Variants in VAV2 observed in about 807,000 individuals in gnomAD.
VAV2 encodes guanine nucleotide exchange factor VAV2.
A neutral mutation model predicts 132.5 loss-of-function variants in VAV2; 67 were observed. The observed-to-expected ratio is 0.51, with a 90% confidence interval of 0.42 to 0.62. The LOEUF (loss-of-function observed/expected upper bound fraction) is 0.62, where lower values mean the gene tolerates loss of function less well. VAV2 is among the 20% of genes least tolerant of loss of function. VAV2 has a pLI of 0.00. For synonymous variants in VAV2, 492 were observed against 443.5 expected, an observed-to-expected ratio of 1.11 and a Z score of -1.37; for missense variants, 938 against 1,153.6, an observed-to-expected ratio of 0.81 and a Z score of 2.71.
In VAV2 at chr9:133,823,779, C is replaced by T. The variant is rs1158806068; in HGVS notation, c.449+10493G>A. ...TGCATTAAATGAGACCAGAGAGTTG[C>T]TGTGACCGAATCAGTCCTGAAAGCA... On this transcript the variant is annotated intron_variant, in intron 4 of 29. Transcript: ENST00000371850. The surrounding 1 kb of genome is among the most constrained non-coding windows in gnomAD (Gnocchi z 5.5). Among the ~76,000 whole-genome samples the T allele has an allele frequency of 6.6e-6, 1 of 152,216 alleles. No homozygotes were observed. Among genetic ancestry groups the T allele is most frequent in the African/African-American group, 2.4e-5 (1 of 41,456 alleles).
In VAV2 at chr9:133,948,937, C is replaced by T. The variant is rs75766287; in HGVS notation, c.205-9718G>A. On this transcript the variant is annotated intron_variant, in intron 1 of 29. Transcript: ENST00000371850. ...TGGTCCTGTCCCCATGGGAGCCCCA[C>T]GGCATAGGCAAGAGGCAGCCTAATC... 1.7e-3 allele frequency among the ~76,000 whole-genome samples: 252 copies of T among 152,304 alleles called. 1 individual carries two copies. The highest frequency in any genetic ancestry group is 5.7e-3 in the African/African-American group (237 of 41,570).
chr9:133,870,220 C>T (rs1451250507), intron 2 of VAV2, among the ~76,000 whole-genome samples: 1 of 152,116 alleles, frequency 6.6e-6, no homozygotes, highest in Non-Finnish European at 1.5e-5. Context: ...GGCTGTGGGG[C>T]CCAACATCAA....
intron 12 of VAV2, among the ~76,000 whole-genome samples, chr9:133,793,384 C>T (rs1834577473): frequency 1.3e-5 from 2 of 152,156 alleles, no homozygotes; most frequent in Admixed American, 1.3e-4. Flanking sequence ...TTCCTCGTTC[C>T]TAGAAGACCT....
rs775647388 is a variant in VAV2 at position 133,824,801 on chromosome 9, C to A, written c.449+9471G>T. On this transcript the variant is annotated intron_variant, in intron 4 of 29. Coordinates refer to ENST00000371850, the MANE Select transcript of VAV2 (RefSeq NM_001134398.2). This position sits in a 1 kb window ranked among gnomAD's most constrained non-coding sequence, Gnocchi z 5.2. ...GAGCTGGGCTCAAATTGCAGCTCTG[C>A]CCCCTAGTTCTGTACGACTCTGACC... Among the ~76,000 whole-genome samples the A allele has an allele frequency of 6.6e-6, 1 of 152,192 alleles. No individual in the cohort carries two copies. Among genetic ancestry groups the A allele is most frequent in the African/African-American group, 2.4e-5 (1 of 41,456 alleles).
chr9:133,932,028 T>C (rs1445187232), intron 2 of VAV2, among the ~76,000 whole-genome samples: 1 of 151,802 alleles, frequency 6.6e-6, no homozygotes, highest in Non-Finnish European at 1.5e-5. Flanking sequence ...GAGATCAGAG[T>C]CCCTACGGTC....
At chr9:133,948,458 A>G (rs1841444745) in intron 1 of VAV2, among the ~76,000 whole-genome samples, 1 of 152,252 alleles carries the variant, frequency 6.6e-6, no homozygotes, top group Non-Finnish European at 1.5e-5. Flanking sequence ...TTCGGGGGCC[A>G]GCCTTGCCCC....
intron 3 of VAV2, among the ~76,000 whole-genome samples, chr9:133,845,622 T>C (rs1053394944): frequency 6.6e-6 from 1 of 152,188 alleles, no homozygotes; most frequent in African/African-American, 2.4e-5. Context: ...GTCTCCCTAG[T>C]GTGACGGGGC....
chr9:133,957,897 C>A (rs1200489787), intron 1 of VAV2, among the ~76,000 whole-genome samples: 1 of 151,378 alleles, frequency 6.6e-6, no homozygotes, highest in Non-Finnish European at 1.5e-5. Context: ...GATTCTGTGA[C>A]CTTACCCCCA....
At chr9:133,981,601 C>A (rs1026520669) in intron 1 of VAV2, among the ~76,000 whole-genome samples, 1 of 152,228 alleles carries the variant, frequency 6.6e-6, no homozygotes, top group Non-Finnish European at 1.5e-5. Flanking sequence ...GGGCGCCAGA[C>A]ACACACTTTT....
chr9:133,782,769 C>T (rs1834056153), intron 19 of VAV2, among the ~76,000 whole-genome samples: 2 of 152,336 alleles, frequency 1.3e-5, no homozygotes, highest in South Asian at 4.1e-4. Flanking sequence ...CTGAAAGTTT[C>T]AAGCCTCAGT....
chr9:133,887,068 T>C (rs1838741256), intron 2 of VAV2, among the ~76,000 whole-genome samples: 1 of 149,982 alleles, frequency 6.7e-6, no homozygotes, highest in Non-Finnish European at 1.5e-5. Flanking sequence ...AGGGGTTCCC[T>C]GGGGCTCAGC....
intron 23 of VAV2, among the ~76,000 whole-genome samples, chr9:133,776,513 C>T (rs1327685149): frequency 1.3e-5 from 2 of 152,186 alleles, no homozygotes; most frequent in Non-Finnish European, 2.9e-5. Context: ...TCCCTGGCTA[C>T]AGCCCCCCAC....
Position 133,935,405 on chromosome 9 carries a change from C to T in VAV2, c.321+3698G>A, listed in dbSNP as rs1840870600. On this transcript the variant is annotated intron_variant, in intron 2 of 29. Coordinates refer to ENST00000371850, the MANE Select transcript of VAV2 (RefSeq NM_001134398.2). This position sits in a 1 kb window ranked among gnomAD's most constrained non-coding sequence, Gnocchi z 5.2. ...CTCCACACCGGCTCCTTGTGGTCAA[C>T]AAGCTGGGAGTCCGGGAGGCCAGAG... Among the ~76,000 whole-genome samples, 1 of 152,210 alleles carries T rather than the reference C, an allele frequency of 6.6e-6. No homozygotes were observed. Among genetic ancestry groups the T allele is most frequent in the Non-Finnish European group, 1.5e-5 (1 of 68,032 alleles).
At chr9:133,904,099 T>C (rs1290948732) in intron 2 of VAV2, among the ~76,000 whole-genome samples, 1 of 152,230 alleles carries the variant, frequency 6.6e-6, no homozygotes, top group Non-Finnish European at 1.5e-5. Context: ...AGCTGCTTCC[T>C]ATCCGGGTAA....
chr9:133,992,268 C>T lies in VAV2; in HGVS notation c.11G>A (p.Trp4Ter). The change falls in exon 1 of 30, where the codon TGG (tryptophan) becomes TAG (stop). Residue 4 changes from tryptophan to a stop codon, truncating the protein, a stop_gained. Transcript: ENST00000371850. LOFTEE classifies it high-confidence loss of function. The surrounding 1 kb of genome is among the most constrained non-coding windows in gnomAD (Gnocchi z 5.5). ...GATGAGCCAGCGGCCGCACTGCCGC[C>T]ACTGCTCCATGGCGCCCGCGGGCCC... The part of the protein sequence containing the change: MEQ[W>*]RQCGRWLIDC... 2 of 1,562,400 alleles carry T rather than the reference C, an allele frequency of 1.3e-6. No homozygotes were observed. The highest frequency in any genetic ancestry group is 2.5e-5 in the East Asian group (1 of 40,438).
intron 1 of VAV2, among the ~76,000 whole-genome samples, chr9:133,944,198 C>T (rs114266647): frequency 0.025 from 3,218 of 126,254 alleles, 106 homozygotes; most frequent in African/African-American, 0.089. Flanking sequence ...GCAGAACCCA[C>T]GGCAGCCCAC....
At chr9:133,858,308 A>C (rs968986040) in intron 3 of VAV2, among the ~76,000 whole-genome samples, 6 of 151,992 alleles carry the variant, frequency 3.9e-5, no homozygotes, top group Non-Finnish European at 8.8e-5. Context: ...GGCATGCCCA[A>C]CCCCACCGGC....
intron 17 of VAV2, among the ~76,000 whole-genome samples, chr9:133,785,529 C>T (rs890268494): frequency 8.5e-5 from 13 of 152,316 alleles, no homozygotes; most frequent in Non-Finnish European, 1.6e-4. Flanking sequence ...AGCAGGACAG[C>T]GGAGCCTGCC....
At chr9:133,828,655 G>A (rs937919571) in intron 4 of VAV2, among the ~76,000 whole-genome samples, 1 of 152,250 alleles carries the variant, frequency 6.6e-6, no homozygotes, top group Non-Finnish European at 1.5e-5. Context: ...TTCGACGTGG[G>A]CCCTGTGCCT....
Sources: allele counts gnomAD v4.1 joint callset (sites outside exome capture counted in the v4.1 genomes callset), GRCh38; gene constraint gnomAD v4.1.1; non-coding constraint Gnocchi (gnomAD v3.1); transcripts MANE v1.5; gene names NCBI Gene and HGNC (gene_info 2026-07-23, HGNC 2026-07-21).